ZFPM2: variants seen among roughly 807,000 people sequenced by gnomAD.
ZFPM2 encodes zinc finger protein, FOG family member 2, also known as zinc finger protein ZFPM2.
In ZFPM2, 20 loss-of-function variants were observed where a neutral mutation model predicts 98.6. The ratio of observed to expected loss-of-function variants is 0.20; its 90% CI spans 0.14 to 0.29. ZFPM2 has a LOEUF of 0.29. ZFPM2 is among the 10% of genes least tolerant of loss of function. ZFPM2 has a pLI of 1.00. For synonymous variants in ZFPM2, 518 were observed against 502.7 expected (o/e 1.03, Z -0.41); for missense variants, 1,310 against 1,388.6 (o/e 0.94, Z 0.90).
chr8:105,587,750 G>C (rs1181189849), intron 4 of ZFPM2, among the ~76,000 whole-genome samples: 2 of 152,072 alleles, frequency 1.3e-5, no homozygotes, highest in Non-Finnish European at 2.9e-5. Context: ...TCTCAACCTT[G>C]GTGCTGCTGG....
chr8:105,738,715 A>C (rs1169598676), intron 5 of ZFPM2, among the ~76,000 whole-genome samples: 2 of 151,944 alleles, frequency 1.3e-5, no homozygotes, highest in African/African-American at 4.8e-5. Context: ...AGCCATCCTG[A>C]CTGGTGTGAG....
intron 1 of ZFPM2, among the ~76,000 whole-genome samples, chr8:105,355,367 T>A (rs1029292103): frequency 1.3e-5 from 2 of 152,212 alleles, no homozygotes; most frequent in Non-Finnish European, 2.9e-5. Flanking sequence ...AATTCTTTAA[T>A]CCTTTCTTAT....
At chr8:105,460,781 A>G (rs760497663) in intron 3 of ZFPM2, among the ~76,000 whole-genome samples, 1 of 97,160 alleles carries the variant, frequency 1.0e-5, no homozygotes, top group Non-Finnish European at 2.2e-5. Context: ...ACCACTTATT[A>G]TCCTGAAAAG....
chr8:105,442,743 AT>A (rs1404439248), intron 2 of ZFPM2, among the ~76,000 whole-genome samples: 4 of 152,138 alleles, frequency 2.6e-5, no homozygotes, highest in African/African-American at 9.7e-5. Context: ...TTTTAAGTTC[AT>A]TTTATGAAGC....
chr8:105,484,242 T>C (rs1813184246), intron 3 of ZFPM2, among the ~76,000 whole-genome samples: 1 of 152,258 alleles, frequency 6.6e-6, no homozygotes, highest in South Asian at 2.1e-4. Context: ...TTAGAATTCA[T>C]GTTTGAGATA....
intron 4 of ZFPM2, among the ~76,000 whole-genome samples, chr8:105,612,809 C>A (rs2130802257): frequency 6.6e-6 from 1 of 152,082 alleles, no homozygotes; most frequent in South Asian, 2.1e-4. Flanking sequence ...GCATGTGAAC[C>A]AACATATAAT....
chr8:105,686,055 A>T (rs1056324202), intron 5 of ZFPM2, among the ~76,000 whole-genome samples: 4 of 152,104 alleles, frequency 2.6e-5, no homozygotes, highest in Non-Finnish European at 5.9e-5. Flanking sequence ...TATCCTAATG[A>T]TCATAATATT....
At chr8:105,418,651 C>G (rs1173933188) in intron 1 of ZFPM2, 1 of 514,360 alleles carries the variant, frequency 1.9e-6, no homozygotes, top group South Asian at 1.4e-5. Context: ...GAAATCTTTT[C>G]TCAGAATCCA....
chr8:105,691,109 C>T (rs1810868881), intron 5 of ZFPM2, among the ~76,000 whole-genome samples: 1 of 152,016 alleles, frequency 6.6e-6, no homozygotes, highest in South Asian at 2.1e-4. Context: ...CTTTTAATTC[C>T]TCAGACATGT....
At chr8:105,461,995 G>T (rs2130305733) in intron 3 of ZFPM2, among the ~76,000 whole-genome samples, 1 of 152,172 alleles carries the variant, frequency 6.6e-6, no homozygotes, top group South Asian at 2.1e-4. Flanking sequence ...ACCATATTTT[G>T]AGATTCCCCT....
chr8:105,699,901 G>T (rs1446906342), intron 5 of ZFPM2, among the ~76,000 whole-genome samples: 1 of 152,036 alleles, frequency 6.6e-6, no homozygotes, highest in African/African-American at 2.4e-5. Flanking sequence ...TTTTTAAAGA[G>T]CAATATTTTA....
chr8:105,397,156 C>T (rs1362744581), intron 1 of ZFPM2, among the ~76,000 whole-genome samples: 1 of 152,142 alleles, frequency 6.6e-6, no homozygotes, highest in East Asian at 1.9e-4. Context: ...CCATCCCCCT[C>T]TATCATATCT....
At chr8:105,725,927 A>G (rs995321604) in intron 5 of ZFPM2, among the ~76,000 whole-genome samples, 7 of 151,734 alleles carry the variant, frequency 4.6e-5, no homozygotes, top group African/African-American at 1.7e-4. Flanking sequence ...GTTCTAATGA[A>G]TAGAGATGGG....
chr8:105,647,192 A>G (rs1224913286), intron 5 of ZFPM2, among the ~76,000 whole-genome samples: 1 of 152,026 alleles, frequency 6.6e-6, no homozygotes, highest in Non-Finnish European at 1.5e-5. Context: ...TCATTTCATC[A>G]ATTTTCTAGA....
chr8:105,536,531 CT>C (rs374164034), intron 3 of ZFPM2, among the ~76,000 whole-genome samples: 363 of 151,958 alleles, frequency 2.4e-3, no homozygotes, highest in South Asian at 0.011. Context: ...TTAAGAACTA[CT>C]TTTATTTGCA....
intron 6 of ZFPM2, among the ~76,000 whole-genome samples, chr8:105,797,811 CT>C (rs1813877944): frequency 6.6e-6 from 1 of 152,240 alleles, no homozygotes; most frequent in African/African-American, 2.4e-5. Context: ...CCTCCCTCCA[CT>C]CCTGCCATCA....
intron 5 of ZFPM2, among the ~76,000 whole-genome samples, chr8:105,744,627 G>A (rs1014626497): frequency 2.1e-5 from 3 of 145,590 alleles, no homozygotes; most frequent in Non-Finnish European, 4.5e-5. Context: ...TTCTTTGTGT[G>A]TATGTATATT....
chr8:105,721,464 C>G (rs1049102561), intron 5 of ZFPM2, among the ~76,000 whole-genome samples: 4 of 151,886 alleles, frequency 2.6e-5, no homozygotes, highest in African/African-American at 9.7e-5. Context: ...ATCTTTTTCT[C>G]ACAGCTTTTC....
At chr8:105,366,643 G>A (rs1257183606) in intron 1 of ZFPM2, among the ~76,000 whole-genome samples, 3 of 150,700 alleles carry the variant, frequency 2.0e-5, no homozygotes, top group South Asian at 4.2e-4. Context: ...AGCATTAGGT[G>A]TATCTCCCAG....
Sources: allele counts gnomAD v4.1 joint callset (sites outside exome capture counted in the v4.1 genomes callset), GRCh38; gene constraint gnomAD v4.1.1; transcripts MANE v1.5; gene names NCBI Gene and HGNC (gene_info 2026-07-23, HGNC 2026-07-21).